Variants in ATP8A2 observed in about 807,000 individuals in gnomAD.
ATP8A2 encodes phospholipid-transporting ATPase IB.
A neutral mutation model predicts 165.6 loss-of-function variants in ATP8A2; 100 were observed. The observed-to-expected ratio is 0.60, with a 90% CI of 0.51 to 0.71. The LOEUF is 0.71. ATP8A2 is among the 30% of genes least tolerant of loss of function. The pLI is 0.00. For missense variants in ATP8A2, 1,227 were observed against 1,479.5 expected, an observed-to-expected ratio of 0.83 and a Z score of 2.80; for synonymous variants, 543 against 548.8, an observed-to-expected ratio of 0.99 and a Z score of 0.15.
chr13:25,557,094 T>C (rs551355075), intron 13 of ATP8A2, among the ~76,000 whole-genome samples: 1 of 152,280 alleles, frequency 6.6e-6, no homozygotes, highest in African/African-American at 2.4e-5. Context: ...AAATAGACCT[T>C]TGTAGACAAA....
At chr13:25,517,676 G>A (rs923303153) in intron 2 of ATP8A2, among the ~76,000 whole-genome samples, 6 of 152,282 alleles carry the variant, frequency 3.9e-5, no homozygotes, top group African/African-American at 1.2e-4. Context: ...ACCTCTCCTG[G>A]TCCAATTACT....
At chr13:26,009,429 G>A (rs531729291) in intron 35 of ATP8A2, among the ~76,000 whole-genome samples, 63 of 152,326 alleles carry the variant, frequency 4.1e-4, no homozygotes, top group African/African-American at 1.3e-3. Context: ...ATCTGCGCAC[G>A]TGTGGTGTGG....
chr13:25,404,284 G>C (rs770389439), intron 1 of ATP8A2, among the ~76,000 whole-genome samples: 1 of 152,214 alleles, frequency 6.6e-6, no homozygotes, highest in Non-Finnish European at 1.5e-5. Flanking sequence ...GCCTGGAGAT[G>C]TGTGAGAGCT....
chr13:25,477,562 G>C (rs1031166735), intron 2 of ATP8A2, among the ~76,000 whole-genome samples: 23 of 152,326 alleles, frequency 1.5e-4, no homozygotes, highest in African/African-American at 5.5e-4. Flanking sequence ...TTGTGCTATG[G>C]TGATGTAAGA....
At chr13:25,866,532 A>T (rs1433950396) in intron 33 of ATP8A2, among the ~76,000 whole-genome samples, 1 of 152,192 alleles carries the variant, frequency 6.6e-6, no homozygotes, top group Non-Finnish European at 1.5e-5. Flanking sequence ...TCTATTGACC[A>T]CCTGCATCCA....
intron 1 of ATP8A2, among the ~76,000 whole-genome samples, chr13:25,421,331 C>T (rs1341535729): frequency 6.6e-6 from 1 of 152,140 alleles, no homozygotes; most frequent in Admixed American, 6.6e-5. Context: ...CTTGTAGTCT[C>T]TCCTCTTTTA....
intron 18 of ATP8A2, among the ~76,000 whole-genome samples, chr13:25,573,886 T>C (rs2138195207): frequency 6.6e-6 from 1 of 152,022 alleles, no homozygotes; most frequent in South Asian, 2.1e-4. Context: ...GAGTGGAGAG[T>C]TGTGGGTGTG....
rs555327587 is a variant in ATP8A2, at chr13:25,489,229, G to A, written c.221+20108G>A. On this transcript the variant is annotated intron_variant, in intron 2 of 36. Coordinates refer to ENST00000381655, the MANE Select transcript of ATP8A2 (RefSeq NM_016529.6). ...CAGTAAGATACACAAGGCCACTCTC[G>A]TTCTATTCCCGGCTTACCGCACCAT... Among the ~76,000 whole-genome samples the A allele has an allele frequency of 1.5e-4, 23 of 152,160 alleles. No homozygotes were observed. The East Asian group carries it at 4.1e-3, about 27-fold the overall frequency.
chr13:25,444,589 T>C (rs1383192389), intron 1 of ATP8A2, among the ~76,000 whole-genome samples: 1 of 152,160 alleles, frequency 6.6e-6, no homozygotes, highest in South Asian at 2.1e-4. Flanking sequence ...TATCTCCTTA[T>C]AGTTTCAATT....
At chr13:25,922,334 G>T (rs1184875692) in intron 33 of ATP8A2, among the ~76,000 whole-genome samples, 1 of 152,168 alleles carries the variant, frequency 6.6e-6, no homozygotes, top group Non-Finnish European at 1.5e-5. Context: ...ATAAAAGGAT[G>T]CTTTTACATA....
At position 26,020,305 on chromosome 13, in the gene ATP8A2, A is replaced by G. The variant is rs1957063825; in HGVS notation, c.*320A>G. ...GTTTCACCAATATTTAAACATCAGT[A>G]CTAGTTGTCCTGGGAGAAAGGGAAA... On this transcript the variant is annotated 3_prime_UTR_variant, in exon 37 of 37. Transcript: ENST00000381655. The G allele has an allele frequency of 3.3e-6, 1 of 298,774 alleles. No individual in the cohort carries two copies. The highest frequency in any genetic ancestry group is 6.2e-6 in the Non-Finnish European group (1 of 160,700). The allele number at this position is 298,774 out of a possible 1,614,324, so 18.5% of individuals were successfully genotyped here.
chr13:25,449,408 A>C (rs1376139510), intron 1 of ATP8A2, among the ~76,000 whole-genome samples: 1 of 152,174 alleles, frequency 6.6e-6, no homozygotes, highest in Non-Finnish European at 1.5e-5. Context: ...AGAGCTTTCT[A>C]CTATTGATTT....
intron 27 of ATP8A2, among the ~76,000 whole-genome samples, chr13:25,813,679 C>T (rs1950937877): frequency 6.6e-6 from 1 of 151,898 alleles, no homozygotes; most frequent in Admixed American, 6.6e-5. Flanking sequence ...GCCATGTGTC[C>T]CCAGTACCCT....
chr13:25,779,157 T>C (rs1213301379), intron 27 of ATP8A2, among the ~76,000 whole-genome samples: 1 of 152,050 alleles, frequency 6.6e-6, no homozygotes, highest in Non-Finnish European at 1.5e-5. Flanking sequence ...AACACTTGGC[T>C]GCTTTCATCG....
At chr13:25,739,954 A>G (rs1297251838) in intron 25 of ATP8A2, among the ~76,000 whole-genome samples, 2 of 152,230 alleles carry the variant, frequency 1.3e-5, no homozygotes, top group East Asian at 1.9e-4. Context: ...GGATGTATAC[A>G]TTGCACAACA....
chr13:25,626,466 TA>T (rs2137485834), intron 24 of ATP8A2, among the ~76,000 whole-genome samples: 1 of 152,312 alleles, frequency 6.6e-6, no homozygotes, highest in Admixed American at 6.5e-5. Flanking sequence ...TGTCTAATCC[TA>T]ATTACCTCCT....
intron 33 of ATP8A2, among the ~76,000 whole-genome samples, chr13:25,877,405 A>T (rs1161852470): frequency 1.3e-5 from 2 of 152,214 alleles, no homozygotes; most frequent in East Asian, 3.9e-4. Context: ...AGCTCCAATC[A>T]TGGAACATCT....
chr13:25,695,614 G>A (rs374594733), intron 24 of ATP8A2, among the ~76,000 whole-genome samples: 1 of 152,134 alleles, frequency 6.6e-6, no homozygotes, highest in Non-Finnish European at 1.5e-5. Context: ...TGTTCACGGC[G>A]TGTTCACCAG....
intron 24 of ATP8A2, among the ~76,000 whole-genome samples, chr13:25,602,888 G>A (rs866510927): frequency 1.3e-5 from 2 of 151,974 alleles, no homozygotes; most frequent in Non-Finnish European, 2.9e-5. Context: ...TGGCCAATAT[G>A]GTGAAATCCT....
Sources: gnomAD v4.1 joint callset for allele counts (sites outside exome capture counted in the v4.1 genomes callset) on GRCh38, gnomAD v4.1.1 for gene constraint, MANE v1.5 for transcripts, NCBI Gene and HGNC (gene_info 2026-07-23, HGNC 2026-07-21) for gene names.